The following EDIL3 variants were observed in gnomAD, a reference collection of about 807,000 sequenced individuals.
The protein encoded by EDIL3 is EGF-like repeat and discoidin I-like domain-containing protein 3.
In EDIL3, 37 loss-of-function variants were observed where a neutral mutation model predicts 67.4. The ratio of observed to expected loss-of-function variants is 0.55; its 90% CI spans 0.42 to 0.72. The LOEUF (loss-of-function observed/expected upper bound fraction) is 0.72. Among genes scored for constraint, EDIL3 ranks in the 30% least tolerant of loss-of-function variants. EDIL3 has a pLI of 0.00. For missense variants in EDIL3, 527 were observed against 586.3 expected (o/e 0.90, Z 1.04); for synonymous variants, 195 against 196.3 (o/e 0.99, Z 0.05).
chr5:84,231,876 A>G (rs1744586796), intron 2 of EDIL3, among the ~76,000 whole-genome samples: 1 of 152,206 alleles, frequency 6.6e-6, no homozygotes, highest in African/African-American at 2.4e-5. Flanking sequence ...AAATCTAGAG[A>G]TTCAAAAGAA....
rs1433442612 is a variant in EDIL3 at position 84,055,118 on chromosome 5, C to T, written c.1137+5182G>A. The stretch of plus-strand genomic sequence containing the variant: ...ACTGGTACCAAAACAGAGATACCGA[C>T]CAATGGAACAGAACAGAGCCCTCAG... On this transcript the variant is annotated intron_variant, in intron 9 of 10. Coordinates refer to ENST00000296591, the MANE Select transcript of EDIL3 (RefSeq NM_005711.5). 7.5e-5 allele frequency among the ~76,000 whole-genome samples: 11 copies of T among 146,082 alleles called. 1 individual carries two copies. In the East Asian group the frequency reaches 2.2e-3, roughly 30 times the overall value.
At chr5:84,311,505 G>A (rs926173342) in intron 1 of EDIL3, among the ~76,000 whole-genome samples, 1 of 151,878 alleles carries the variant, frequency 6.6e-6, no homozygotes, top group Non-Finnish European at 1.5e-5. Flanking sequence ...GGGCTTTAAC[G>A]TGTTGGTTGT....
intron 10 of EDIL3, among the ~76,000 whole-genome samples, chr5:83,950,860 T>C (rs1744407194): frequency 6.6e-6 from 1 of 151,848 alleles, no homozygotes; most frequent in South Asian, 2.1e-4. Flanking sequence ...CTTGGGTTTC[T>C]TTTGAAATCC....
chr5:84,002,154 A>G (rs1373820081), intron 9 of EDIL3, among the ~76,000 whole-genome samples: 1 of 152,212 alleles, frequency 6.6e-6, no homozygotes, highest in Non-Finnish European at 1.5e-5. Flanking sequence ...GTGATGCATC[A>G]TATCAACAGA....
intron 1 of EDIL3, among the ~76,000 whole-genome samples, chr5:84,376,923 A>C (rs1407437946): frequency 6.6e-6 from 1 of 152,244 alleles, no homozygotes; most frequent in Non-Finnish European, 1.5e-5. Flanking sequence ...CATTCCAGAA[A>C]AGTTAGCGTT....
intron 6 of EDIL3, among the ~76,000 whole-genome samples, chr5:84,079,147 T>A (rs1428786256): frequency 6.6e-6 from 1 of 152,124 alleles, no homozygotes; most frequent in East Asian, 1.9e-4. Flanking sequence ...GGGTGTCACA[T>A]CAGAGAGGGC....
intron 4 of EDIL3, among the ~76,000 whole-genome samples, chr5:84,166,566 C>T (rs971115825): frequency 2.0e-5 from 3 of 152,078 alleles, no homozygotes; most frequent in African/African-American, 7.2e-5. Flanking sequence ...AAAATGTAAA[C>T]AAATCAAGTC....
At chr5:84,249,011 A>AT in intron 2 of EDIL3, among the ~76,000 whole-genome samples, 1 of 152,244 alleles carries the variant, frequency 6.6e-6, no homozygotes, top group South Asian at 2.1e-4. Flanking sequence ...AAAAGTTGAA[A>AT]TTTTTTTAAA....
At chr5:84,042,406 C>T (rs763284681) in intron 9 of EDIL3, among the ~76,000 whole-genome samples, 23 of 152,084 alleles carry the variant, frequency 1.5e-4, no homozygotes, top group Middle Eastern at 3.4e-3. Flanking sequence ...CTCAGCCCCC[C>T]GAGTAGTTGA....
intron 1 of EDIL3, among the ~76,000 whole-genome samples, chr5:84,363,320 T>A (rs1217505652): frequency 6.6e-6 from 1 of 151,632 alleles, no homozygotes; most frequent in Non-Finnish European, 1.5e-5. Flanking sequence ...AGCTGTGGTG[T>A]GTGCCTGTAG....
intron 9 of EDIL3, among the ~76,000 whole-genome samples, chr5:83,994,980 A>G (rs927197356): frequency 6.6e-6 from 1 of 152,152 alleles, no homozygotes; most frequent in African/African-American, 2.4e-5. Flanking sequence ...ATGATTAAAT[A>G]CATATGTGTG....
Position 84,274,746 on chromosome 5 carries a change from CA to C in EDIL3, c.68-20535del, listed in dbSNP as rs533575094. ...AAACAGTGATAACTACACACATACACACACACACAGACACACACAGACACAC... is the reference window on the plus strand; with the variant it reads ...AAACAGTGATAACTACACACATACACCACACACAGACACACACAGACACAC... On this transcript the variant is annotated intron_variant, in intron 1 of 10. Transcript: ENST00000296591. 5.1e-4 allele frequency among the ~76,000 whole-genome samples: 77 copies of C among 150,790 alleles called. 1 individual carries two copies. Among genetic ancestry groups the C allele is most frequent in the Non-Finnish European group, 9.4e-4 (64 of 67,824 alleles).
chr5:84,367,337 G>C (rs1028293580), intron 1 of EDIL3, among the ~76,000 whole-genome samples: 1 of 152,008 alleles, frequency 6.6e-6, no homozygotes, highest in Non-Finnish European at 1.5e-5. Context: ...GCAGTGGTGT[G>C]ATCACAGCTC....
chr5:83,977,488 C>A (rs905835624), intron 9 of EDIL3, among the ~76,000 whole-genome samples: 1 of 151,732 alleles, frequency 6.6e-6, no homozygotes, highest in East Asian at 1.9e-4. Context: ...CACTCTCTGT[C>A]TTCTGTGGAG....
intron 1 of EDIL3, among the ~76,000 whole-genome samples, chr5:84,299,461 C>G (rs960184670): frequency 6.6e-6 from 1 of 152,194 alleles, no homozygotes; most frequent in African/African-American, 2.4e-5. Flanking sequence ...TAGATCCCTA[C>G]AAACTTTTAT....
At chr5:83,992,725 A>G (rs976513064) in intron 9 of EDIL3, among the ~76,000 whole-genome samples, 6 of 152,118 alleles carry the variant, frequency 3.9e-5, no homozygotes, top group Admixed American at 3.9e-4. Context: ...TCACAGCACG[A>G]AGTAATGAAA....
intron 5 of EDIL3, among the ~76,000 whole-genome samples, chr5:84,129,009 T>C (rs963241638): frequency 2.6e-5 from 4 of 152,166 alleles, no homozygotes; most frequent in Non-Finnish European, 4.4e-5. Flanking sequence ...AAGTCCCACA[T>C]GGTCTATTTG....
In EDIL3 at chr5:84,189,442, A is replaced by C. The variant is rs548619148; in HGVS notation, c.227-8921T>G. 2.0e-5 allele frequency among the ~76,000 whole-genome samples: 3 copies of C among 152,106 alleles called. No individual in the cohort carries two copies. The East Asian group carries it at 5.8e-4, about 29-fold the overall frequency. On this transcript the variant is annotated intron_variant, in intron 3 of 10. Coordinates refer to ENST00000296591, the MANE Select transcript of EDIL3 (RefSeq NM_005711.5). ...ATTAATTCCACAATGACAGGTAATC[A>C]TTGTGGCACAGTAGTTGATGTCTCC...
intron 3 of EDIL3, among the ~76,000 whole-genome samples, chr5:84,214,428 G>A (rs1356133542): frequency 1.3e-5 from 2 of 150,718 alleles, no homozygotes; most frequent in African/African-American, 2.4e-5. Context: ...ATCATCTCTA[G>A]GTTACTTCTA....
Sources: allele counts gnomAD v4.1 joint callset (sites outside exome capture counted in the v4.1 genomes callset), GRCh38; gene constraint gnomAD v4.1.1; transcripts MANE v1.5; gene names NCBI Gene and HGNC (gene_info 2026-07-23, HGNC 2026-07-21).